The following RANBP2 variants were observed in gnomAD, a reference collection of about 807,000 sequenced individuals.
RANBP2 encodes RAN binding protein 2, also known as E3 SUMO-protein ligase RanBP2.
RANBP2 carries 57 observed loss-of-function variants against 303.6 expected under a neutral mutation model. That is an observed-to-expected ratio of 0.19 (90% CI 0.15 to 0.23). RANBP2 has a LOEUF of 0.23. RANBP2 is among the 10% of genes least tolerant of loss of function. RANBP2 has a pLI of 1.00. For missense variants in RANBP2, 3,138 were observed against 3,780.8 expected (o/e 0.83, Z 4.46); for synonymous variants, 1,167 against 1,301.5 (o/e 0.90, Z 2.23).
At chr2:109,155,718 T>C in the RANBP2 span, among the ~76,000 whole-genome samples, 2 of 152,230 alleles carry the variant, frequency 1.3e-5, no homozygotes, top group African/African-American at 4.8e-5. Flanking sequence ...ATAGGGTTTC[T>C]AGCAGTACTT....
chr2:109,057,432 G>A, the RANBP2 span, among the ~76,000 whole-genome samples: 4 of 152,150 alleles, frequency 2.6e-5, no homozygotes, highest in African/African-American at 9.7e-5. Flanking sequence ...TGACATTTAC[G>A]GCAGGTAGGA....
chr2:109,130,561 C>T, the RANBP2 span, among the ~76,000 whole-genome samples: 30,905 of 152,058 alleles, frequency 0.2, 3,910 homozygotes, highest in Middle Eastern at 0.36. Context: ...GGCCTCCTGC[C>T]TGCGGTGTGG....
the RANBP2 span, among the ~76,000 whole-genome samples, chr2:109,192,906 T>TA: frequency 6.6e-6 from 1 of 152,360 alleles, no homozygotes; most frequent in Non-Finnish European, 1.5e-5. Context: ...ATTCCAGTGA[T>TA]ATGCCAGTTA....
At chr2:108,877,195 C>T in the RANBP2 span, among the ~76,000 whole-genome samples, 289 of 152,164 alleles carry the variant, frequency 1.9e-3, no homozygotes, top group African/African-American at 6.6e-3. Flanking sequence ...AGGCCAGGCG[C>T]GGTGGCTTAC....
intron 17 of RANBP2, among the ~76,000 whole-genome samples, chr2:108,756,680 A>G (rs1358974908): frequency 6.6e-6 from 1 of 152,236 alleles, no homozygotes; most frequent in African/African-American, 2.4e-5. Flanking sequence ...TGGAGCACTA[A>G]TCCATGAGCT....
At chr2:109,251,589 T>C in the RANBP2 span, 1 of 946,496 alleles carries the variant, frequency 1.1e-6, no homozygotes, top group Non-Finnish European at 1.7e-6. Flanking sequence ...AACAGAACAA[T>C]ATTGGAATGG....
At chr2:108,726,497 A>G (rs1295166825) in intron 1 of RANBP2, among the ~76,000 whole-genome samples, 6 of 148,600 alleles carry the variant, frequency 4.0e-5, no homozygotes, top group Admixed American at 2.0e-4. Flanking sequence ...TCTGGAGGCT[A>G]GAAGCGGCAG....
the RANBP2 span, among the ~76,000 whole-genome samples, chr2:109,101,007 C>G: frequency 6.6e-6 from 1 of 151,986 alleles, no homozygotes; most frequent in Non-Finnish European, 1.5e-5. Context: ...TGAGGAGTGG[C>G]GGGGTTCAAG....
chr2:109,102,603 G>T, the RANBP2 span, among the ~76,000 whole-genome samples: 1 of 151,968 alleles, frequency 6.6e-6, no homozygotes. Context: ...ATAACTCTTC[G>T]GTAGTTAGGA....
chr2:109,048,279 A>G, the RANBP2 span, among the ~76,000 whole-genome samples: 1 of 152,206 alleles, frequency 6.6e-6, no homozygotes, highest in Non-Finnish European at 1.5e-5. Flanking sequence ...GTTTAATCAT[A>G]TCTTTGGCAT....
At chr2:108,816,501 T>C in the RANBP2 span, among the ~76,000 whole-genome samples, 1 of 152,088 alleles carries the variant, frequency 6.6e-6, no homozygotes. Context: ...GATGAGGCCC[T>C]TCTTCCTGGT....
chr2:109,488,361 C>A, the RANBP2 span, among the ~76,000 whole-genome samples: 1 of 152,214 alleles, frequency 6.6e-6, no homozygotes, highest in Non-Finnish European at 1.5e-5. Flanking sequence ...CCCCTGGAGG[C>A]AAGGTCACCC....
chr2:109,409,595 C>T, the RANBP2 span, among the ~76,000 whole-genome samples: 1 of 152,058 alleles, frequency 6.6e-6, no homozygotes, highest in Non-Finnish European at 1.5e-5. Flanking sequence ...AAGCAGTTCC[C>T]CTCACCAGCT....
At chr2:108,862,071 A>T in the RANBP2 span, among the ~76,000 whole-genome samples, 1 of 101,194 alleles carries the variant, frequency 9.9e-6, no homozygotes, top group Non-Finnish European at 1.9e-5. Context: ...TCTTGGTATG[A>T]TTTCAGTTTT....
chr2:109,449,627 C>T, the RANBP2 span: 12 of 1,169,964 alleles, frequency 1.0e-5, no homozygotes, highest in East Asian at 5.4e-5. Flanking sequence ...ATGAACCAGG[C>T]GTGTGACAGA....
At chr2:108,786,789 G>A, downstream of RANBP2, 1 of 1,556,984 alleles carries the variant, frequency 6.4e-7, no homozygotes, top group Non-Finnish European at 8.7e-7. Context: ...GATGAACGCG[G>A]TTCCCGGGGA....
the RANBP2 span, chr2:108,794,500 G>A: frequency 1.3e-6 from 2 of 1,542,020 alleles, no homozygotes; most frequent in Non-Finnish European, 1.8e-6. Flanking sequence ...GAAACAATAA[G>A]TTAATAAAGT....
the RANBP2 span, among the ~76,000 whole-genome samples, chr2:108,939,713 A>C: frequency 1.3e-5 from 2 of 152,192 alleles, no homozygotes; most frequent in Non-Finnish European, 2.9e-5. Flanking sequence ...TTCTGATAAA[A>C]CCAAGAACTC....
the RANBP2 span, chr2:109,432,398 T>A: frequency 6.9e-7 from 1 of 1,453,470 alleles, no homozygotes; most frequent in Middle Eastern, 2.2e-4. Context: ...GTGGGTCTTT[T>A]TAGGTTGGGT....
Sources: allele counts gnomAD v4.1 joint callset (sites outside exome capture counted in the v4.1 genomes callset), GRCh38; gene constraint gnomAD v4.1.1; transcripts MANE v1.5; gene names NCBI Gene and HGNC (gene_info 2026-07-23, HGNC 2026-07-21).